Variants in PPIP5K2 observed in about 807,000 individuals in gnomAD.
PPIP5K2 encodes inositol hexakisphosphate and diphosphoinositol-pentakisphosphate kinase 2.
In PPIP5K2, 105 loss-of-function variants were observed where a neutral mutation model predicts 154.6. The observed-to-expected ratio is 0.68, with a 90% CI of 0.58 to 0.80. The LOEUF (loss-of-function observed/expected upper bound fraction) is 0.80. Ranked by LOEUF, PPIP5K2 falls within the 30% of genes least tolerant of loss-of-function variation. PPIP5K2 has a pLI of 0.00. For synonymous variants in PPIP5K2, 480 were observed against 490.3 expected, an observed-to-expected ratio of 0.98 and a Z score of 0.28; for missense variants, 992 against 1,504.6, an observed-to-expected ratio of 0.66 and a Z score of 5.64.
chr5:103,126,902 A>G (rs566901074), intron 1 of PPIP5K2, among the ~76,000 whole-genome samples: 1 of 152,246 alleles, frequency 6.6e-6, no homozygotes, highest in South Asian at 2.1e-4. Flanking sequence ...CCCATGATCA[A>G]TACTTTGCAT....
At chr5:103,151,772 C>T (rs1198195453) in intron 9 of PPIP5K2, among the ~76,000 whole-genome samples, 1 of 151,958 alleles carries the variant, frequency 6.6e-6, no homozygotes, top group Non-Finnish European at 1.5e-5. Context: ...ATTCATGACT[C>T]TTTTGCATGA....
chr5:103,146,689 C>G lies in PPIP5K2; in HGVS notation c.642+8C>G. The G allele has an allele frequency of 6.3e-7, 1 of 1,596,760 alleles. No homozygotes were observed. The highest frequency in any genetic ancestry group is 8.5e-7 in the Non-Finnish European group (1 of 1,171,972). On this transcript the variant is annotated splice_region_variant and intron_variant, in intron 6 of 30. Transcript: ENST00000358359. ...CAAAGACTCTTTAGAAAGGTAACAC[C>G]TTTGTAACTTTTGTATGAATACTCT...
chr5:103,168,414 G>T, intron 19 of PPIP5K2, 119 bp downstream of exon 19: 1 of 704,888 alleles, frequency 1.4e-6, no homozygotes, highest in Non-Finnish European at 2.4e-6. Flanking sequence ...ACTTTAAACA[G>T]GAAATTAGGT....
chr5:103,133,428 A>AT (rs1790970915), intron 2 of PPIP5K2, 25 bp from the exon 3 acceptor site: 2 of 1,594,942 alleles, frequency 1.3e-6, no homozygotes, highest in Non-Finnish European at 1.7e-6. Flanking sequence ...AGTTAACCCG[A>AT]TTTTTTGTTT....
intron 5 of PPIP5K2, among the ~76,000 whole-genome samples, chr5:103,140,359 T>G (rs1173021334): frequency 1.3e-5 from 2 of 152,084 alleles, no homozygotes; most frequent in Non-Finnish European, 2.9e-5. Context: ...ATATATTAAT[T>G]AAACTCTCAA....
In PPIP5K2 at chr5:103,205,185, T is replaced by C. The variant is rs897283956; in HGVS notation, c.*3551T>C. The stretch of plus-strand genomic sequence containing the variant: ...ATCCATGTCCTTGTCATCCTTTTTT[T>C]TGGCTGCATAGTATTCCATGGTGTA... On this transcript the variant is annotated 3_prime_UTR_variant, in exon 31 of 31. Coordinates refer to ENST00000358359, the MANE Select transcript of PPIP5K2 (RefSeq NM_001276277.3). The C allele has an allele frequency of 6.6e-6, 1 of 152,224 alleles. No homozygotes were observed. The highest frequency in any genetic ancestry group is 1.9e-4 in the East Asian group (1 of 5,192). The allele number at this position is 152,224 out of a possible 1,614,324, so 9.4% of individuals were successfully genotyped here.
rs78288429 is a variant in PPIP5K2, at chr5:103,187,528, A to T, written c.3352+152A>T. ...TTCCAACTTGTTATTCACCCAAATT[A>T]TTGATACTGTCTAGCTCCCTTTTCA... On this transcript the variant is annotated intron_variant, in intron 28 of 30. Transcript: ENST00000358359. Among the ~76,000 whole-genome samples the T allele has an allele frequency of 5.4e-3, 827 of 152,228 alleles. 7 individuals carry two copies. Among genetic ancestry groups the T allele is most frequent in the African/African-American group, 0.018 (736 of 41,544 alleles).
In PPIP5K2 at chr5:103,146,986, T is replaced by C. The variant is rs573936412; in HGVS notation, c.642+305T>C. Among the ~76,000 whole-genome samples, 5 of 151,942 alleles carry C rather than the reference T, an allele frequency of 3.3e-5. No individual in the cohort carries two copies. In the East Asian group the frequency reaches 5.8e-4, roughly 18 times the overall value. On this transcript the variant is annotated intron_variant, in intron 6 of 30. Coordinates refer to ENST00000358359, the MANE Select transcript of PPIP5K2 (RefSeq NM_001276277.3). ...AAGCAGTAGCAGTCTTTTAGAATAATGGCCCAGAAAAATAACAGCTCATAG... is the reference window on the plus strand; with the variant it reads ...AAGCAGTAGCAGTCTTTTAGAATAACGGCCCAGAAAAATAACAGCTCATAG...
chr5:103,146,039 T>C (rs1455459020), intron 5 of PPIP5K2, among the ~76,000 whole-genome samples: 1 of 151,978 alleles, frequency 6.6e-6, no homozygotes, highest in Non-Finnish European at 1.5e-5. Context: ...AAAATAACAT[T>C]TAAAAAAGAT....
At chr5:103,170,400 AATTT>A (rs1220941736) in intron 19 of PPIP5K2, among the ~76,000 whole-genome samples, 2 of 151,578 alleles carry the variant, frequency 1.3e-5, no homozygotes, top group African/African-American at 4.8e-5. Flanking sequence ...ACGGTCTGAG[AATTT>A]ATTTGAAGAC....
chr5:103,156,735 A>G (rs1554213616), intron 14 of PPIP5K2, among the ~76,000 whole-genome samples: 1 of 152,218 alleles, frequency 6.6e-6, no homozygotes, highest in East Asian at 1.9e-4. Flanking sequence ...TTGGCAATAT[A>G]TCAAAAACTT....
rs1244032607 is a variant in PPIP5K2, at chr5:103,210,739, G to T, written c.*9105G>T. On this transcript the variant is annotated 3_prime_UTR_variant, in exon 31 of 31. Coordinates refer to ENST00000358359, the MANE Select transcript of PPIP5K2 (RefSeq NM_001276277.3). The stretch of plus-strand genomic sequence containing the variant: ...GATGCTCTTTTGAGGAATTTACTTG[G>T]TTAATACAGTTAATAGTATAATACT... 3 of 151,976 alleles carry T rather than the reference G, an allele frequency of 2.0e-5. No individual in the cohort carries two copies. The highest frequency in any genetic ancestry group is 2.9e-5 in the Non-Finnish European group (2 of 67,974). The allele number at this position is 151,976 out of a possible 1,614,324, so 9.4% of individuals were successfully genotyped here.
chr5:103,204,500 A>G lies in PPIP5K2; in HGVS notation c.*2866A>G, dbSNP rs28062. ...CATTCTGTCACCCCAGCTGGAGTGCAGTGGCACAGTCTTAATTCACTACAG... is the reference window on the plus strand; with the variant it reads ...CATTCTGTCACCCCAGCTGGAGTGCGGTGGCACAGTCTTAATTCACTACAG... On this transcript the variant is annotated 3_prime_UTR_variant, in exon 31 of 31. Transcript: ENST00000358359. 36,990 of 152,084 alleles carry G rather than the reference A, an allele frequency of 0.24. 5,186 individuals are homozygous for G. The highest frequency in any genetic ancestry group is 0.45 in the East Asian group (2,298 of 5,136). 9.4% of individuals were successfully genotyped at this position (152,084 alleles called of 1,614,324 possible). A position where few individuals can be genotyped will look rare whatever the true frequency, so the allele number is the denominator to read the frequency against.
intron 10 of PPIP5K2, 123 bp from the exon 11 acceptor site, chr5:103,153,725 G>T: frequency 1.7e-6 from 1 of 598,042 alleles, no homozygotes. Context: ...TATTCTTCAT[G>T]GGAAAGATCT....
rs1176445050 is a variant in PPIP5K2, at chr5:103,210,599, T to C, written c.*8965T>C. On this transcript the variant is annotated 3_prime_UTR_variant, in exon 31 of 31. Transcript: ENST00000358359. ...AGAATCTTTACCATTCCCTCTACTA[T>C]TCCTAGCTCCCTTTTCTTTCATAGT... 2.0e-5 allele frequency: 3 copies of C among 152,036 alleles called. No homozygotes were observed. The highest frequency in any genetic ancestry group is 7.2e-5 in the African/African-American group (3 of 41,404). The allele number at this position is 152,036 out of a possible 1,614,324, so 9.4% of individuals were successfully genotyped here.
chr5:103,151,977 A>C (rs1794707395), intron 9 of PPIP5K2, among the ~76,000 whole-genome samples: 1 of 152,002 alleles, frequency 6.6e-6, no homozygotes, highest in South Asian at 2.1e-4. Flanking sequence ...ATCCATAGGA[A>C]ACTTACATTA....
At chr5:103,194,207 G>A (rs1365668336) in intron 29 of PPIP5K2, among the ~76,000 whole-genome samples, 3 of 147,478 alleles carry the variant, frequency 2.0e-5, no homozygotes, top group African/African-American at 5.0e-5. Context: ...TTGCTCTGTC[G>A]CCCAGGCTGG....
At position 103,133,329 on chromosome 5, in the gene PPIP5K2, TGTTA is replaced by T. The variant is rs550591933; in HGVS notation, c.115-123_115-120del. The T allele has an allele frequency of 4.1e-5, 25 of 611,048 alleles. No individual in the cohort carries two copies. The African/African-American group carries it at 4.8e-4, about 12-fold the overall frequency. The allele number at this position is 611,048 out of a possible 1,614,324, so 37.9% of individuals were successfully genotyped here. On this transcript the variant is annotated intron_variant, in intron 2 of 30. Transcript: ENST00000358359. ...TATAATTTTTAAAAATTCCTTTGTT[TGTTA>T]ATGTGTCACTTTTATTTATTAATCA...
chr5:103,139,286 G>A (rs185796852), intron 5 of PPIP5K2, among the ~76,000 whole-genome samples: 44 of 152,160 alleles, frequency 2.9e-4, no homozygotes, highest in African/African-American at 1.0e-3. Context: ...AAAAACTAGG[G>A]GGGAGGCAGA....
Sources: gnomAD v4.1 joint callset for allele counts (sites outside exome capture counted in the v4.1 genomes callset) on GRCh38, gnomAD v4.1.1 for gene constraint, MANE v1.5 for transcripts, NCBI Gene and HGNC (gene_info 2026-07-23, HGNC 2026-07-21) for gene names.